Variants in VAT1L observed in about 807,000 individuals in gnomAD.
The protein encoded by VAT1L is putative NADPH-dependent quinone oxidoreductase VAT1L.
VAT1L carries 34 observed loss-of-function variants against 44.1 expected under a neutral mutation model. The ratio of observed to expected loss-of-function variants is 0.77; its 90% confidence interval spans 0.59 to 1.03. The LOEUF is 1.03. Ranked by LOEUF, VAT1L falls within the 50% of genes least tolerant of loss-of-function variation. The probability of loss-of-function intolerance (pLI) is 0.00; values close to 1 mark genes in which losing one functional copy is unlikely to be tolerated. For synonymous variants in VAT1L, 253 were observed against 202.2 expected (o/e 1.25, Z -2.13); for missense variants, 615 against 538.8 (o/e 1.14, Z -1.40).
At chr16:77,956,196 A>G (rs369685631) in intron 7 of VAT1L, among the ~76,000 whole-genome samples, 28 of 152,282 alleles carry the variant, frequency 1.8e-4, no homozygotes, top group African/African-American at 5.3e-4. Context: ...CCCCATAAAT[A>G]TACATACTTA....
At chr16:77,954,075 T>A (rs977390252) in intron 7 of VAT1L, among the ~76,000 whole-genome samples, 2 of 152,070 alleles carry the variant, frequency 1.3e-5, no homozygotes, top group Non-Finnish European at 2.9e-5. Context: ...CAGATGAAAC[T>A]CAGCTGCTGG....
At chr16:77,892,838 GA>G in intron 7 of VAT1L, 1 of 874,294 alleles carries the variant, frequency 1.1e-6, no homozygotes, top group Non-Finnish European at 2.0e-6. Context: ...GAATATTGTG[GA>G]GGCCATGGAG....
At chr16:77,898,597 C>A (rs961555840) in intron 7 of VAT1L, among the ~76,000 whole-genome samples, 3 of 141,480 alleles carry the variant, frequency 2.1e-5, no homozygotes, top group Non-Finnish European at 4.5e-5. Context: ...GTGAAAATAT[C>A]ATGAGGCTGT....
intron 7 of VAT1L, among the ~76,000 whole-genome samples, chr16:77,910,535 A>G (rs369509692): frequency 3.3e-5 from 5 of 151,958 alleles, no homozygotes; most frequent in South Asian, 2.1e-4. Context: ...TTAGCAGGGC[A>G]TGGTGGCGGC....
intron 7 of VAT1L, among the ~76,000 whole-genome samples, chr16:77,924,617 C>A (rs186869303): frequency 1.3e-5 from 2 of 152,204 alleles, no homozygotes; most frequent in African/African-American, 4.8e-5. Context: ...TATGCCACCA[C>A]ACCCACCTAA....
chr16:77,830,243 G>A (rs990555874), intron 3 of VAT1L, among the ~76,000 whole-genome samples: 4 of 152,112 alleles, frequency 2.6e-5, no homozygotes, highest in Non-Finnish European at 5.9e-5. Context: ...CTGAACCTCT[G>A]TGCCTTTTCA....
At chr16:77,821,279 G>A (rs1464460878) in intron 2 of VAT1L, among the ~76,000 whole-genome samples, 3 of 151,780 alleles carry the variant, frequency 2.0e-5, no homozygotes, top group Admixed American at 6.6e-5. Flanking sequence ...GGAATTAGGT[G>A]GACTTTTGTT....
chr16:77,837,969 G>A (rs1940013167), intron 3 of VAT1L, among the ~76,000 whole-genome samples: 2 of 152,116 alleles, frequency 1.3e-5, no homozygotes, highest in Admixed American at 6.6e-5. Flanking sequence ...TTAGGTTGAC[G>A]GTTGAAACCT....
intron 5 of VAT1L, among the ~76,000 whole-genome samples, chr16:77,878,612 C>G (rs890151948): frequency 5.3e-5 from 8 of 152,156 alleles, no homozygotes; most frequent in African/African-American, 1.9e-4. Flanking sequence ...TCTCAGACCT[C>G]TTTGGAGCTG....
At chr16:77,966,398 C>T (rs1228795715) in intron 7 of VAT1L, among the ~76,000 whole-genome samples, 1 of 152,082 alleles carries the variant, frequency 6.6e-6, no homozygotes, top group Non-Finnish European at 1.5e-5. Flanking sequence ...TCAACAACAG[C>T]AAGACAAATC....
intron 2 of VAT1L, among the ~76,000 whole-genome samples, chr16:77,821,369 C>T (rs1429667900): frequency 6.7e-6 from 1 of 150,292 alleles, no homozygotes; most frequent in Non-Finnish European, 1.5e-5. Flanking sequence ...GGCATGATCT[C>T]AGCTCACCAC....
chr16:77,958,241 G>A (rs1295676606), intron 7 of VAT1L, among the ~76,000 whole-genome samples: 1 of 152,034 alleles, frequency 6.6e-6, no homozygotes, highest in African/African-American at 2.4e-5. Context: ...CCGTTTGGCT[G>A]AGTGACCAAC....
chr16:77,976,866 C>G (rs531705634), intron 8 of VAT1L, among the ~76,000 whole-genome samples: 6 of 152,160 alleles, frequency 3.9e-5, no homozygotes, highest in Non-Finnish European at 7.4e-5. Context: ...GGCAAAATCC[C>G]TGTCTTCCCA....
chr16:77,798,552 T>C (rs753271362), intron 1 of VAT1L, among the ~76,000 whole-genome samples: 1 of 152,126 alleles, frequency 6.6e-6, no homozygotes, highest in African/African-American at 2.4e-5. Flanking sequence ...GTGTGTGCCA[T>C]AGAAGATGTG....
intron 4 of VAT1L, among the ~76,000 whole-genome samples, chr16:77,868,285 T>C (rs1195764084): frequency 6.6e-6 from 1 of 152,018 alleles, no homozygotes; most frequent in Non-Finnish European, 1.5e-5. Flanking sequence ...AGTTGAAAAA[T>C]TATGAAGTGA....
Position 77,825,586 on chromosome 16 carries a change from T to C in VAT1L, c.579+125T>C, listed in dbSNP as rs1400024740. The C allele has an allele frequency of 2.5e-5, 28 of 1,117,154 alleles. No individual in the cohort carries two copies. In the South Asian group the frequency reaches 4.0e-4, roughly 16 times the overall value. 69.2% of individuals were successfully genotyped at this position (1,117,154 alleles called of 1,614,324 possible). A position where few individuals can be genotyped will look rare whatever the true frequency, so the allele number is the denominator to read the frequency against. ...AATCATCACTATGGTTCTGGTAGAG[T>C]TCACATGGACAGCAAAGCCCATATA... On this transcript the variant is annotated intron_variant, in intron 3 of 8. Coordinates refer to ENST00000302536, the MANE Select transcript of VAT1L (RefSeq NM_020927.3).
chr16:77,934,201 G>A (rs1444433501), intron 7 of VAT1L, among the ~76,000 whole-genome samples: 1 of 151,986 alleles, frequency 6.6e-6, no homozygotes, highest in African/African-American at 2.4e-5. Flanking sequence ...AGATTTATTG[G>A]CAGATTGGAC....
rs564817542 is a variant in VAT1L at position 77,924,750 on chromosome 16, C to G, written c.1077+39948C>G. On this transcript the variant is annotated intron_variant, in intron 7 of 8. Transcript: ENST00000302536. ...CTGGGATTACAGGCGTGAGCCACCACGCCTGGCCCATTTACCCTTATTTTC... is the reference window on the plus strand; with the variant it reads ...CTGGGATTACAGGCGTGAGCCACCAGGCCTGGCCCATTTACCCTTATTTTC... Among the ~76,000 whole-genome samples, 391 of 152,246 alleles carry G rather than the reference C, an allele frequency of 2.6e-3. 2 individuals are homozygous for G. Among genetic ancestry groups the G allele is most frequent in the African/African-American group, 9.1e-3 (378 of 41,552 alleles).
At chr16:77,802,890 G>A (rs939613960) in intron 1 of VAT1L, among the ~76,000 whole-genome samples, 6 of 151,486 alleles carry the variant, frequency 4.0e-5, no homozygotes, top group Admixed American at 1.3e-4. Context: ...TTTTTGAGGC[G>A]CATCAATCAA....
Sources: allele counts gnomAD v4.1 joint callset (sites outside exome capture counted in the v4.1 genomes callset), GRCh38; gene constraint gnomAD v4.1.1; transcripts MANE v1.5; gene names NCBI Gene and HGNC (gene_info 2026-07-23, HGNC 2026-07-21).